Variants in GNAQ observed in about 807,000 individuals in gnomAD.
GNAQ encodes the protein G protein subunit alpha q, also known as guanine nucleotide-binding protein G(q) subunit alpha.
Under a neutral mutation model 43.9 loss-of-function variants are expected in GNAQ, and 8 were observed. The observed-to-expected ratio is 0.18, with a 90% CI of 0.11 to 0.33. GNAQ has a LOEUF of 0.33. Ranked by LOEUF, GNAQ falls within the 10% of genes least tolerant of loss-of-function variation. The probability of loss-of-function intolerance (pLI) is 1.00; values close to 1 mark genes in which losing one functional copy is unlikely to be tolerated. For synonymous variants in GNAQ, 155 were observed against 170.7 expected (o/e 0.91, Z 0.71); for missense variants, 158 against 450.8 (o/e 0.35, Z 5.88).
At chr9:78,030,010 A>G (rs902027111) in intron 1 of GNAQ, among the ~76,000 whole-genome samples, 3 of 152,202 alleles carry the variant, frequency 2.0e-5, no homozygotes, top group African/African-American at 7.2e-5. Flanking sequence ...ATAATCATCA[A>G]TAAATTTCTA....
At position 77,898,620 on chromosome 9, in the gene GNAQ, A is replaced by AATGGATGG. The variant is rs3083216; in HGVS notation, c.321+23533_321+23540dup. Among the ~76,000 whole-genome samples, 1,240 of 150,684 alleles carry AATGGATGG rather than the reference A, an allele frequency of 8.2e-3. 11 individuals are homozygous for AATGGATGG. Among genetic ancestry groups the AATGGATGG allele is most frequent in the Middle Eastern group, 0.014 (4 of 294 alleles). ...GGATGGATTGATGAATGAATGAATAAATGGATGGATGGATGGATGGATGGA... is the reference window on the plus strand; with the variant it reads ...GGATGGATTGATGAATGAATGAATAAATGGATGGATGGATGGATGGATGGATGGATGGA... On this transcript the variant is annotated intron_variant, in intron 2 of 6. Coordinates refer to ENST00000286548, the MANE Select transcript of GNAQ (RefSeq NM_002072.5).
intron 1 of GNAQ, among the ~76,000 whole-genome samples, chr9:77,963,070 C>A (rs1823125303): frequency 6.6e-6 from 1 of 151,968 alleles, no homozygotes; most frequent in South Asian, 2.1e-4. Context: ...ACTATCAGAA[C>A]AACACGAATT....
chr9:77,770,560 G>A (rs556105452), intron 5 of GNAQ, among the ~76,000 whole-genome samples: 2 of 152,346 alleles, frequency 1.3e-5, no homozygotes, highest in East Asian at 3.9e-4. Context: ...CCCTTCGGAA[G>A]CAGCTCTACT....
chr9:77,905,628 C>T (rs4582625), intron 2 of GNAQ, among the ~76,000 whole-genome samples: 111,762 of 152,172 alleles, frequency 0.73, 41,276 homozygotes, highest in South Asian at 0.77. Context: ...ACTTAAAAGT[C>T]GATCATACAC....
At chr9:77,962,361 T>C (rs1823116264) in intron 1 of GNAQ, among the ~76,000 whole-genome samples, 1 of 151,924 alleles carries the variant, frequency 6.6e-6, no homozygotes, top group African/African-American at 2.4e-5. Context: ...TAAAGAAAAC[T>C]ACATGAGGCA....
At chr9:77,828,749 T>C (rs1451761404) in intron 2 of GNAQ, among the ~76,000 whole-genome samples, 1 of 152,296 alleles carries the variant, frequency 6.6e-6, no homozygotes, top group Non-Finnish European at 1.5e-5. Flanking sequence ...GATGATACAA[T>C]GACCAGTACA....
intron 5 of GNAQ, among the ~76,000 whole-genome samples, chr9:77,742,377 T>C (rs1825666447): frequency 6.6e-6 from 1 of 152,198 alleles, no homozygotes; most frequent in Admixed American, 6.5e-5. Context: ...CAAAAAGTAT[T>C]AATTACACCC....
intron 2 of GNAQ, among the ~76,000 whole-genome samples, chr9:77,832,863 C>A (rs1173068651): frequency 6.6e-6 from 1 of 152,200 alleles, no homozygotes; most frequent in Non-Finnish European, 1.5e-5. Context: ...ACTGGCCAGA[C>A]ACACACAAGC....
intron 1 of GNAQ, among the ~76,000 whole-genome samples, chr9:77,922,667 T>C (rs1039165401): frequency 3.9e-5 from 6 of 152,280 alleles, no homozygotes; most frequent in African/African-American, 9.6e-5. Context: ...CTTTTGAACA[T>C]GATAAAACTT....
At chr9:77,848,927 C>T (rs1437059885) in intron 2 of GNAQ, among the ~76,000 whole-genome samples, 4 of 152,158 alleles carry the variant, frequency 2.6e-5, no homozygotes, top group Non-Finnish European at 5.9e-5. Context: ...TTAGAGAAGA[C>T]ACCGTTCTAG....
intron 5 of GNAQ, among the ~76,000 whole-genome samples, chr9:77,789,415 T>C (rs1826531864): frequency 6.6e-6 from 1 of 152,002 alleles, no homozygotes; most frequent in African/African-American, 2.4e-5. Flanking sequence ...AAGAAAAAGA[T>C]AACCCAAAGG....
At chr9:77,899,660 G>T (rs554884889) in intron 2 of GNAQ, among the ~76,000 whole-genome samples, 2 of 152,194 alleles carry the variant, frequency 1.3e-5, no homozygotes, top group South Asian at 4.2e-4. Context: ...TGGGTGGCAC[G>T]TGCAAAGGCA....
rs530243449 is a variant in GNAQ at position 77,833,663 on chromosome 9, T to C, written c.322-17893A>G. ...AGAACTGACAAGTTTTCCTGTAAAA[T>C]ATCTTGCATATGATATAAGAGTGGC... On this transcript the variant is annotated intron_variant, in intron 2 of 6. Coordinates refer to ENST00000286548, the MANE Select transcript of GNAQ (RefSeq NM_002072.5). 1.5e-4 allele frequency among the ~76,000 whole-genome samples: 23 copies of C among 152,336 alleles called. No homozygotes were observed. In the South Asian group the frequency reaches 4.6e-3, roughly 30 times the overall value.
chr9:78,026,691 A>G (rs777815424), intron 1 of GNAQ, among the ~76,000 whole-genome samples: 1 of 152,132 alleles, frequency 6.6e-6, no homozygotes, highest in Admixed American at 6.6e-5. Context: ...CCTACTGAGG[A>G]GCAGTGGGAA....
chr9:77,894,593 T>C (rs563691352), intron 2 of GNAQ, among the ~76,000 whole-genome samples: 2 of 150,494 alleles, frequency 1.3e-5, no homozygotes, highest in Non-Finnish European at 3.0e-5. Flanking sequence ...CAGCTAATTT[T>C]TGTATTTTTA....
chr9:77,760,086 G>A (rs2118325736), intron 5 of GNAQ, among the ~76,000 whole-genome samples: 1 of 149,292 alleles, frequency 6.7e-6, no homozygotes, highest in Middle Eastern at 3.4e-3. Context: ...TTTTAATTGA[G>A]GTGAAATTCA....
chr9:77,731,528 G>C (rs1825488558), intron 5 of GNAQ, among the ~76,000 whole-genome samples: 1 of 152,196 alleles, frequency 6.6e-6, no homozygotes, highest in Admixed American at 6.5e-5. Flanking sequence ...GCTAAAATGG[G>C]CAGATGACTG....
At chr9:77,957,537 A>G (rs1353087269) in intron 1 of GNAQ, among the ~76,000 whole-genome samples, 2 of 152,150 alleles carry the variant, frequency 1.3e-5, no homozygotes, top group African/African-American at 4.8e-5. Context: ...TGAGAAGTGA[A>G]TGCTCCAACA....
chr9:77,768,694 T>C (rs918677059), intron 5 of GNAQ, among the ~76,000 whole-genome samples: 4 of 152,262 alleles, frequency 2.6e-5, no homozygotes, highest in African/African-American at 9.6e-5. Context: ...CTAGTTCTTC[T>C]ACAGGTTCTA....
Sources: allele counts gnomAD v4.1 joint callset (sites outside exome capture counted in the v4.1 genomes callset), GRCh38; gene constraint gnomAD v4.1.1; transcripts MANE v1.5; gene names NCBI Gene and HGNC (gene_info 2026-07-23, HGNC 2026-07-21).